The following ACSS1 variants were observed in gnomAD, a reference collection of about 807,000 sequenced individuals.
The protein encoded by ACSS1 is acetyl-coenzyme A synthetase 2-like, mitochondrial.
A neutral mutation model predicts 75.3 loss-of-function variants in ACSS1; 42 were observed. The ratio of observed to expected loss-of-function variants is 0.56; its 90% confidence interval spans 0.44 to 0.72. ACSS1 has a LOEUF of 0.72. Ranked by LOEUF, ACSS1 falls within the 30% of genes least tolerant of loss-of-function variation. The pLI, the probability that ACSS1 is intolerant of heterozygous loss-of-function variation, is 0.00. For synonymous variants in ACSS1, 380 were observed against 376.8 expected (o/e 1.01, Z -0.10); for missense variants, 782 against 935.7 (o/e 0.84, Z 2.14).
rs2088436309 is a variant in ACSS1, at chr20:25,012,836, C to A, written c.1683G>T (p.Gly561=). 1 of 1,614,160 alleles carries A rather than the reference C, an allele frequency of 6.2e-7. No individual in the cohort carries two copies. The highest frequency in any genetic ancestry group is 2.2e-5 in the East Asian group (1 of 44,886). Residue 561 remains glycine, a synonymous_variant, in exon 11 of 14, where the codon GGG becomes GGT. Coordinates refer to ENST00000323482, the MANE Select transcript of ACSS1 (RefSeq NM_032501.4). ...CGATGGCGTCCTCAATCTCTGCGGT[C>A]CCCAGCCGGTGGCCACTGATGTTGA... ...DVINISGHRL[G]TAEIEDAIAD...
chr20:25,022,689 T>C (rs1222119763), intron 5 of ACSS1, among the ~76,000 whole-genome samples: 1 of 152,272 alleles, frequency 6.6e-6, no homozygotes, highest in Non-Finnish European at 1.5e-5. Context: ...GAATGGCCCT[T>C]AGTGTCCTGC....
intron 3 of ACSS1, among the ~76,000 whole-genome samples, chr20:25,024,040 C>T (rs369449256): frequency 9.2e-5 from 14 of 152,314 alleles, no homozygotes; most frequent in East Asian, 3.9e-4. Flanking sequence ...AGGCAGAGAA[C>T]AAGAAAGCTG....
Position 25,048,163 on chromosome 20 carries a change from T to C in ACSS1, c.353A>G (p.His118Arg). The C allele has an allele frequency of 6.2e-7, 1 of 1,613,376 alleles. No homozygotes were observed. The highest frequency in any genetic ancestry group is 8.5e-7 in the Non-Finnish European group (1 of 1,179,954). The change falls in exon 2 of 14, where the codon CAT becomes CGT. Residue 118 changes from histidine (H) to arginine (R), a missense_variant. By Grantham distance (29) the His-to-Arg change is conservative. Around this residue, in one of 2 missense-constraint regions of ACSS1, gnomAD observed 377 missense variants for 383.1 expected, o/e 0.98. Coordinates refer to ENST00000323482, the MANE Select transcript of ACSS1 (RefSeq NM_032501.4). ...AACGCTCTCGGGGGACTTCCGAACA[T>C]GCTGGTCCAAGCAGTTGACTGTACA... The part of the protein sequence containing the change: ...LNVSVNCLDQ[H>R]VRKSPESVAL...
At chr20:25,039,506 C>T (rs942319049) in intron 2 of ACSS1, among the ~76,000 whole-genome samples, 1 of 152,194 alleles carries the variant, frequency 6.6e-6, no homozygotes, top group Admixed American at 6.5e-5. Context: ...TCCCCACACG[C>T]ATGGGGGTTC....
intron 2 of ACSS1, among the ~76,000 whole-genome samples, chr20:25,039,242 T>C (rs1475461485): frequency 6.6e-6 from 1 of 152,178 alleles, no homozygotes; most frequent in East Asian, 1.9e-4. Flanking sequence ...GCTATTCAGC[T>C]GAAGGAGTCA....
At chr20:25,035,812 A>C (rs1253091838) in intron 2 of ACSS1, among the ~76,000 whole-genome samples, 1 of 152,242 alleles carries the variant, frequency 6.6e-6, no homozygotes, top group Admixed American at 6.5e-5. Context: ...TCTTCAAATC[A>C]TTGAAAAATA....
chr20:25,018,136 G>A (rs1004198026), intron 7 of ACSS1, among the ~76,000 whole-genome samples: 1 of 152,240 alleles, frequency 6.6e-6, no homozygotes, highest in Non-Finnish European at 1.5e-5. Context: ...ACAGTATTAA[G>A]AGGTGGAACC....
chr20:25,047,830 C>A (rs115020656), intron 2 of ACSS1, among the ~76,000 whole-genome samples: 7,135 of 151,436 alleles, frequency 0.047, 540 homozygotes, highest in African/African-American at 0.16. Flanking sequence ...AAAAACAAAA[C>A]AACTCTACTA....
At chr20:25,050,683 T>C (rs1489509465) in intron 1 of ACSS1, among the ~76,000 whole-genome samples, 1 of 151,986 alleles carries the variant, frequency 6.6e-6, no homozygotes, top group Non-Finnish European at 1.5e-5. Flanking sequence ...TTGGCATTCA[T>C]CTCATCGCCT....
intron 1 of ACSS1, among the ~76,000 whole-genome samples, chr20:25,054,478 C>G (rs1332695555): frequency 1.3e-5 from 2 of 152,218 alleles, no homozygotes; most frequent in East Asian, 3.8e-4. Context: ...GATAGATACT[C>G]CCATGGATAA....
chr20:25,026,578 G>A lies in ACSS1; in HGVS notation c.632-2937C>T, dbSNP rs533150044. 3.3e-5 allele frequency among the ~76,000 whole-genome samples: 5 copies of A among 152,274 alleles called. No individual in the cohort carries two copies. The South Asian group carries it at 1.0e-3, about 32-fold the overall frequency. ...CTAATGTCCCAGATGTCATGGAGCAGAAAACAGCCATTCCCCTGTCCCCAT... is the reference window on the plus strand; with the variant it reads ...CTAATGTCCCAGATGTCATGGAGCAAAAAACAGCCATTCCCCTGTCCCCAT... On this transcript the variant is annotated intron_variant, in intron 3 of 13. Coordinates refer to ENST00000323482, the MANE Select transcript of ACSS1 (RefSeq NM_032501.4).
chr20:25,057,194 G>A (rs925930990), intron 1 of ACSS1, among the ~76,000 whole-genome samples: 5 of 152,210 alleles, frequency 3.3e-5, no homozygotes, highest in Non-Finnish European at 5.9e-5. Context: ...CCAGGCCCCA[G>A]GCCCGCAGCG....
At chr20:25,049,924 C>A (rs1947061542) in intron 1 of ACSS1, among the ~76,000 whole-genome samples, 1 of 152,062 alleles carries the variant, frequency 6.6e-6, no homozygotes, top group Non-Finnish European at 1.5e-5. Flanking sequence ...GGGAAGCGAG[C>A]TTTGCCGGTA....
chr20:25,017,577 T>C (rs952051841), intron 7 of ACSS1, among the ~76,000 whole-genome samples: 4 of 152,122 alleles, frequency 2.6e-5, no homozygotes, highest in Non-Finnish European at 5.9e-5. Flanking sequence ...CTAGAACCGG[T>C]TATGCAACAG....
At position 25,007,469 on chromosome 20, in the gene ACSS1, G is replaced by A; in HGVS notation, c.*293C>T. The A allele has an allele frequency of 6.5e-6, 8 of 1,233,590 alleles. No individual in the cohort carries two copies. The highest frequency in any genetic ancestry group is 1.5e-5 in the African/African-American group (1 of 65,456). 76.4% of individuals were successfully genotyped at this position (1,233,590 alleles called of 1,614,324 possible). The stretch of plus-strand genomic sequence containing the variant: ...GCCTCACCTTCCTGTGCTGGCTCAA[G>A]AGGGCAGAGGAATGGAGATGGCAAT... On this transcript the variant is annotated 3_prime_UTR_variant, in exon 14 of 14. Transcript: ENST00000323482.
At chr20:25,015,380 C>T in intron 7 of ACSS1, 150 bp from the exon 8 acceptor site, 1 of 621,018 alleles carries the variant, frequency 1.6e-6, no homozygotes, top group Middle Eastern at 4.2e-4. Context: ...ATTGCAACCT[C>T]CACCTCCCAG....
chr20:25,013,461 T>C (rs2088453231), intron 10 of ACSS1, 75 bp downstream of exon 10: 1 of 1,521,798 alleles, frequency 6.6e-7, no homozygotes. Context: ...CAAATCCCAT[T>C]AAAAATGTTT....
intron 3 of ACSS1, among the ~76,000 whole-genome samples, chr20:25,027,431 G>A (rs2088739329): frequency 6.6e-6 from 1 of 152,116 alleles, no homozygotes; most frequent in Admixed American, 6.5e-5. Context: ...CATATTAACA[G>A]AATATACTAT....
chr20:25,045,108 G>A (rs770656614), intron 2 of ACSS1, among the ~76,000 whole-genome samples: 2 of 152,194 alleles, frequency 1.3e-5, no homozygotes, highest in Admixed American at 6.5e-5. Context: ...TCATTATCAC[G>A]GCTATTCTTA....
Sources: gnomAD v4.1 joint callset for allele counts (sites outside exome capture counted in the v4.1 genomes callset) on GRCh38, gnomAD v4.1.1 for gene constraint, gnomAD v4.1.1 regional missense constraint, MANE v1.5 for transcripts, NCBI Gene and HGNC (gene_info 2026-07-23, HGNC 2026-07-21) for gene names.